Variants in WNT2B observed in about 807,000 individuals in gnomAD.
The protein encoded by WNT2B is Wnt family member 2B, also known as protein Wnt-2b.
A neutral mutation model predicts 40.5 loss-of-function variants in WNT2B; 19 were observed. That is an observed-to-expected ratio of 0.47 (90% CI 0.33 to 0.69). The LOEUF is 0.69. Ranked by LOEUF, WNT2B falls within the 30% of genes least tolerant of loss-of-function variation. The probability of loss-of-function intolerance (pLI) is 0.02; values close to 1 mark genes in which losing one functional copy is unlikely to be tolerated. For synonymous variants in WNT2B, 220 were observed against 211.9 expected, an observed-to-expected ratio of 1.04 and a Z score of -0.33; for missense variants, 467 against 556.4, an observed-to-expected ratio of 0.84 and a Z score of 1.62.
At chr1:112,487,883 G>A (rs1348569381) in intron 1 of WNT2B, among the ~76,000 whole-genome samples, 16 of 139,494 alleles carry the variant, frequency 1.1e-4, no homozygotes, top group Non-Finnish European at 2.0e-4. Context: ...GCAATGAGCC[G>A]AGATTGCGCC....
At chr1:112,511,592 G>A (rs1464915682) in intron 1 of WNT2B, among the ~76,000 whole-genome samples, 2 of 152,136 alleles carry the variant, frequency 1.3e-5, no homozygotes, top group African/African-American at 4.8e-5. Context: ...TTAATATTTG[G>A]ATTTTTCTCA....
chr1:112,500,051 A>G (rs191989116), intron 1 of WNT2B, among the ~76,000 whole-genome samples: 1 of 152,250 alleles, frequency 6.6e-6, no homozygotes. Flanking sequence ...CGACAGGCAT[A>G]ATCAGAGAAC....
chr1:112,476,142 G>A (rs897452443), intron 1 of WNT2B, among the ~76,000 whole-genome samples: 3 of 152,002 alleles, frequency 2.0e-5, no homozygotes, highest in Non-Finnish European at 2.9e-5. Context: ...AATAAAATGC[G>A]GGTTTCTGGG....
intron 1 of WNT2B, among the ~76,000 whole-genome samples, chr1:112,474,802 C>G (rs1248672993): frequency 6.6e-6 from 1 of 152,278 alleles, no homozygotes; most frequent in Middle Eastern, 3.4e-3. Flanking sequence ...ATGGATCCTT[C>G]ATGAATAGTT....
At chr1:112,472,653 G>C (rs1300126974) in intron 1 of WNT2B, among the ~76,000 whole-genome samples, 1 of 150,656 alleles carries the variant, frequency 6.6e-6, no homozygotes, top group African/African-American at 2.4e-5. Context: ...AAACAAAAAT[G>C]TCCAGCAGTC....
At chr1:112,493,157 C>G (rs1274262563) in intron 1 of WNT2B, among the ~76,000 whole-genome samples, 1 of 152,130 alleles carries the variant, frequency 6.6e-6, no homozygotes, top group East Asian at 1.9e-4. Context: ...AAGTAGACAG[C>G]ATGCAAAAAC....
intron 4 of WNT2B, chr1:112,518,299 A>G (rs1294693272): frequency 6.6e-6 from 1 of 152,170 alleles, no homozygotes; most frequent in Non-Finnish European, 1.5e-5. Flanking sequence ...TCCTCTGGTT[A>G]TTGCTGTGGG....
chr1:112,498,780 G>A (rs1157421720), intron 1 of WNT2B, among the ~76,000 whole-genome samples: 1 of 152,138 alleles, frequency 6.6e-6, no homozygotes, highest in East Asian at 1.9e-4. Flanking sequence ...TAAGAGAGAA[G>A]CTTTCCCTAT....
intron 1 of WNT2B, chr1:112,491,066 A>G: frequency 6.2e-7 from 1 of 1,614,100 alleles, no homozygotes; most frequent in South Asian, 1.1e-5. Context: ...TCAGCGTTCA[A>G]CAAGTGTTTG....
chr1:112,519,026 T>G (rs1652714335), intron 4 of WNT2B, among the ~76,000 whole-genome samples: 1 of 152,196 alleles, frequency 6.6e-6, no homozygotes, highest in Admixed American at 6.5e-5. Context: ...ATGTGACTAG[T>G]GGCTGCTACC....
chr1:112,468,237 C>T (rs1650764517), intron 1 of WNT2B, among the ~76,000 whole-genome samples: 1 of 152,182 alleles, frequency 6.6e-6, no homozygotes, highest in African/African-American at 2.4e-5. Flanking sequence ...TATATCTTTG[C>T]TGTCATGAGT....
intron 1 of WNT2B, among the ~76,000 whole-genome samples, chr1:112,484,290 T>TACACATATATATATAC (rs1651342823): frequency 7.1e-5 from 9 of 126,038 alleles, no homozygotes; most frequent in African/African-American, 2.7e-4. Flanking sequence ...TATATATATA[T>TACACATATATATATAC]ACACACACAT....
intron 1 of WNT2B, among the ~76,000 whole-genome samples, chr1:112,498,935 C>T (rs183633756): frequency 3.5e-4 from 54 of 152,264 alleles, no homozygotes; most frequent in African/African-American, 1.1e-3. Context: ...CAGCTGGGCG[C>T]GGTGGCTCAC....
At position 112,516,223 on chromosome 1, in the gene WNT2B, C is replaced by A; in HGVS notation, c.487C>A (p.Leu163Met). 6.2e-7 allele frequency: 1 copy of A among 1,614,054 alleles called. No individual in the cohort carries two copies. Among genetic ancestry groups the A allele is most frequent in the Non-Finnish European group, 8.5e-7 (1 of 1,180,020 alleles). The change falls in exon 3 of 5, where the codon CTG becomes ATG. Residue 163 changes from leucine (L) to methionine (M), a missense_variant. By Grantham distance (15) the Leu-to-Met change is conservative (BLOSUM62 2). Transcript: ENST00000369684. ...TACTCGCGCCTGTAGCCAGGGTGAA[C>A]TGAGTGTGTGCAGCTGTGACCCCTA... ...AITRACSQGE[L>M]SVCSCDPYTR... is the part of the protein sequence containing the mutation.
At position 112,515,069 on chromosome 1, in the gene WNT2B, C is replaced by G; in HGVS notation, c.378C>G (p.Thr126=). 1 of 1,614,140 alleles carries G rather than the reference C, an allele frequency of 6.2e-7. No individual in the cohort carries two copies. Among genetic ancestry groups the G allele is most frequent in the East Asian group, 2.2e-5 (1 of 44,878 alleles). ...GTACCACCCTGGACCGGGACCACAC[C>G]GTCTTTGGCCGTGTCATGCTCAGAA... ...WNCTTLDRDH[T]VFGRVMLRSS... is the part of the protein sequence containing the mutation. The change falls in exon 2 of 5, where the codon ACC becomes ACG. Residue 126 remains threonine, a synonymous_variant. Coordinates refer to ENST00000369684, the MANE Select transcript of WNT2B (RefSeq NM_024494.3). The surrounding 1 kb of genome is among the most constrained non-coding windows in gnomAD (Gnocchi z 4.4).
intron 1 of WNT2B, among the ~76,000 whole-genome samples, chr1:112,477,124 G>C (rs1651075530): frequency 6.6e-6 from 1 of 152,198 alleles, no homozygotes. Flanking sequence ...GTTGCATTTG[G>C]GTGGGGTAGT....
At position 112,520,499 on chromosome 1, in the gene WNT2B, A is replaced by G. The variant is rs1570804350; in HGVS notation, c.1166A>G (p.Asp389Gly). The G allele has an allele frequency of 6.2e-7, 1 of 1,613,970 alleles. No individual in the cohort carries two copies. The highest frequency in any genetic ancestry group is 8.5e-7 in the Non-Finnish European group (1 of 1,179,932). Residue 389 changes from aspartate to glycine, a missense_variant, in exon 5 of 5, where the codon GAC becomes GGC. Around this residue, in one of 2 missense-constraint regions of WNT2B, gnomAD observed 330 missense variants for 438.6 expected, o/e 0.75. Transcript: ENST00000369684. ...GCCCCCAAGAAGGCAGAGTGGCTGG[A>G]CCAAACCTGAACACACAGATACCTC... Reference protein sequence around the residue: ...CKAPKKAEWLDQT With the variant: ...CKAPKKAEWLGQT
chr1:112,504,145 C>A (rs1260175010), upstream of WNT2B, among the ~76,000 whole-genome samples: 3 of 152,188 alleles, frequency 2.0e-5, no homozygotes, highest in Non-Finnish European at 4.4e-5. Flanking sequence ...ACCCACTGGC[C>A]TCACACAGAA....
intron 1 of WNT2B, among the ~76,000 whole-genome samples, chr1:112,468,592 A>G (rs1650777291): frequency 6.6e-6 from 1 of 152,088 alleles, no homozygotes; most frequent in African/African-American, 2.4e-5. Flanking sequence ...GCCATTTGTC[A>G]GTCTTCATTT....
Sources: allele counts gnomAD v4.1 joint callset (sites outside exome capture counted in the v4.1 genomes callset), GRCh38; gene constraint gnomAD v4.1.1; regional missense constraint gnomAD v4.1.1; non-coding constraint Gnocchi (gnomAD v3.1); transcripts MANE v1.5; gene names NCBI Gene and HGNC (gene_info 2026-07-23, HGNC 2026-07-21).